ZFC3H1: variants seen among roughly 807,000 people sequenced by gnomAD.
ZFC3H1 encodes zinc finger C3H1-type containing, also known as zinc finger C3H1 domain-containing protein.
ZFC3H1 carries 71 observed loss-of-function variants against 243.7 expected under a neutral mutation model. The observed-to-expected ratio is 0.29, with a 90% CI of 0.24 to 0.36. The LOEUF (loss-of-function observed/expected upper bound fraction) is 0.36, where lower values mean the gene tolerates loss of function less well. Ranked by LOEUF, ZFC3H1 falls within the 10% of genes least tolerant of loss-of-function variation. The pLI, the probability that ZFC3H1 is intolerant of heterozygous loss-of-function variation, is 1.00. For missense variants in ZFC3H1, 1,966 were observed against 2,317.1 expected, an observed-to-expected ratio of 0.85 and a Z score of 3.11; for synonymous variants, 838 against 813.0, an observed-to-expected ratio of 1.03 and a Z score of -0.52.
rs913635650 is a variant in ZFC3H1 at position 71,631,757 on chromosome 12, T to C, written c.3470+21A>G. 4 of 1,540,498 alleles carry C rather than the reference T, an allele frequency of 2.6e-6. No homozygotes were observed. The Admixed American group carries it at 6.5e-5, about 25-fold the overall frequency. ...AAACAGAAATCCTGAAATTCAAGCT[T>C]ATTGAATCTTTCTTTTATACCTGTA... On this transcript the variant is annotated intron_variant, in intron 16 of 34. Transcript: ENST00000378743.
intron 23 of ZFC3H1, 115 bp from the exon 24 acceptor site, chr12:71,623,712 C>T (rs1477307642): frequency 1.3e-6 from 1 of 760,420 alleles, no homozygotes; most frequent in Non-Finnish European, 2.0e-6. Context: ...TTTATTTGTA[C>T]ATTTTAAGTG....
At chr12:71,617,926 G>T (rs1187617650) in intron 27 of ZFC3H1, among the ~76,000 whole-genome samples, 7 of 152,086 alleles carry the variant, frequency 4.6e-5, no homozygotes, top group Non-Finnish European at 8.8e-5. Flanking sequence ...GTCTGGGAGG[G>T]AATAGTGTCC....
intron 1 of ZFC3H1, among the ~76,000 whole-genome samples, chr12:71,658,975 T>C (rs778122905): frequency 6.6e-6 from 1 of 152,182 alleles, no homozygotes; most frequent in Non-Finnish European, 1.5e-5. Flanking sequence ...CTGACCCCTC[T>C]GAGAATCTGA....
intron 22 of ZFC3H1, among the ~76,000 whole-genome samples, chr12:71,625,338 G>A (rs1003856299): frequency 1.3e-5 from 2 of 152,148 alleles, no homozygotes; most frequent in African/African-American, 2.4e-5. Flanking sequence ...TAAAAGTTCA[G>A]GTGAATATTT....
chr12:71,613,249 A>G (rs1879816171), intron 31 of ZFC3H1, 86 bp downstream of exon 31: 2 of 967,954 alleles, frequency 2.1e-6, no homozygotes, highest in South Asian at 1.9e-5. Flanking sequence ...ACAACAGACT[A>G]TTTTTATCAA....
At chr12:71,660,369 A>T (rs1195294528) in intron 1 of ZFC3H1, 2 of 152,228 alleles carry the variant, frequency 1.3e-5, no homozygotes, top group Non-Finnish European at 2.9e-5. Flanking sequence ...GATTACTGAT[A>T]CTTCATAGGG....
intron 2 of ZFC3H1, chr12:71,656,623 G>T: frequency 1.7e-6 from 1 of 601,308 alleles, no homozygotes; most frequent in Non-Finnish European, 2.9e-6. Context: ...CTTTAAATTA[G>T]GAAACAAAGG....
chr12:71,614,630 C>A lies in ZFC3H1; in HGVS notation c.5431G>T (p.Asp1811Tyr). 6.2e-7 allele frequency: 1 copy of A among 1,613,408 alleles called. No individual in the cohort carries two copies. Among genetic ancestry groups the A allele is most frequent in the Non-Finnish European group, 8.5e-7 (1 of 1,179,624 alleles). ...GTAACCAAACATCTATTCACTAAAT[C>A]AGTAAAAAATTTGAATTCTTGAACT... ...NKVQEFKFFTDLVNRCLVTVP... is the reference protein window; with the variant it reads ...NKVQEFKFFTYLVNRCLVTVP... The change falls in exon 30 of 35, where the codon GAT becomes TAT. Residue 1811 changes from aspartate (D) to tyrosine (Y), a missense_variant. Physicochemically the swap from Asp to Tyr is radical, Grantham distance 160. Coordinates refer to ENST00000378743, the MANE Select transcript of ZFC3H1 (RefSeq NM_144982.5).
chr12:71,614,898 C>T lies in ZFC3H1; in HGVS notation c.5296G>A (p.Glu1766Lys). The T allele has an allele frequency of 6.2e-7, 1 of 1,613,802 alleles. No homozygotes were observed. The highest frequency in any genetic ancestry group is 1.1e-5 in the South Asian group (1 of 91,066). The change falls in exon 29 of 35, where the codon GAG becomes AAG. Residue 1766 changes from glutamate (E) to lysine (K), a missense_variant. Around this residue, in one of 4 missense-constraint regions of ZFC3H1, gnomAD observed 1,383 missense variants for 1,723.7 expected, o/e 0.80. Coordinates refer to ENST00000378743, the MANE Select transcript of ZFC3H1 (RefSeq NM_144982.5). ...ACCCCTAATGCTGCCTCATATGCCT[C>T]CACTGTTTCTTTAATACTTGATTGA... ...PLQSSIKETV[E>K]AYEAALGVAM...
intron 31 of ZFC3H1, 69 bp from the exon 32 acceptor site, chr12:71,611,956 G>T: frequency 2.3e-6 from 2 of 865,526 alleles, no homozygotes; most frequent in Non-Finnish European, 3.6e-6. Context: ...TGCTCTATGA[G>T]CACAATGACG....
chr12:71,611,005 G>C, intron 33 of ZFC3H1, 53 bp downstream of exon 33: 1 of 1,570,554 alleles, frequency 6.4e-7, no homozygotes, highest in Non-Finnish European at 8.6e-7. Flanking sequence ...GTCAACAAAA[G>C]AGACAGAAAA....
intron 2 of ZFC3H1, among the ~76,000 whole-genome samples, chr12:71,656,164 T>C (rs543526325): frequency 9.2e-5 from 14 of 152,276 alleles, no homozygotes; most frequent in African/African-American, 3.4e-4. Flanking sequence ...AGAAACTGTT[T>C]GAGGTTGATG....
rs1565834922 is a variant in ZFC3H1 at position 71,663,099 on chromosome 12, C to T, written c.512G>A (p.Gly171Glu). ...TCCTCCTCCCAGAGGAGGTCTGCACCCCGGCTTGCCTCCTCGCTCACCCAC... is the reference window on the plus strand; with the variant it reads ...TCCTCCTCCCAGAGGAGGTCTGCACTCCGGCTTGCCTCCTCGCTCACCCAC... ...RGVGERGGKP[G>E]CRPPLGGGAG... is the part of the protein sequence containing the mutation. The change falls in exon 1 of 35, where the codon GGG becomes GAG. Residue 171 changes from glycine (G) to glutamate (E), a missense_variant. This residue lies in a region of ZFC3H1 where 484 missense variants were observed against 449.7 expected (regional missense o/e 1.08). Coordinates refer to ENST00000378743, the MANE Select transcript of ZFC3H1 (RefSeq NM_144982.5). The T allele has an allele frequency of 1.2e-6, 2 of 1,614,094 alleles. No individual in the cohort carries two copies. Among genetic ancestry groups the T allele is most frequent in the Middle Eastern group, 1.6e-4 (1 of 6,062 alleles).
At chr12:71,639,219 T>C (rs1020644901) in intron 6 of ZFC3H1, 1 of 153,654 alleles carries the variant, frequency 6.5e-6, no homozygotes, top group African/African-American at 2.4e-5. Flanking sequence ...CCACTAACTA[T>C]ATAATCAGAG....
At chr12:71,625,264 G>A (rs1592588177) in intron 22 of ZFC3H1, among the ~76,000 whole-genome samples, 1 of 152,176 alleles carries the variant, frequency 6.6e-6, no homozygotes, top group East Asian at 1.9e-4. Context: ...GTAAATGACA[G>A]ATTTGACAGC....
intron 22 of ZFC3H1, 90 bp downstream of exon 22, chr12:71,626,170 T>C (rs1372970053): frequency 7.2e-7 from 1 of 1,387,618 alleles, no homozygotes; most frequent in Non-Finnish European, 9.8e-7. Flanking sequence ...TATGCTCTAT[T>C]AAGCTACTTA....
At position 71,610,287 on chromosome 12, in the gene ZFC3H1, G is replaced by T. The variant is rs1387818146; in HGVS notation, c.*141C>A. On this transcript the variant is annotated 3_prime_UTR_variant, in exon 35 of 35. Coordinates refer to ENST00000378743, the MANE Select transcript of ZFC3H1 (RefSeq NM_144982.5). ...TCATTGCTTCCGGTTTTGAGGACAG[G>T]ATATTGTAGGGAACTTGATATGATC... 2 of 1,006,486 alleles carry T rather than the reference G, an allele frequency of 2.0e-6. No homozygotes were observed. The highest frequency in any genetic ancestry group is 2.5e-5 in the East Asian group (1 of 40,450). The allele number at this position is 1,006,486 out of a possible 1,614,324, so 62.3% of individuals were successfully genotyped here. A position where few individuals can be genotyped will look rare whatever the true frequency, so the allele number is the denominator to read the frequency against.
At chr12:71,648,963 C>T (rs1262276234) in intron 2 of ZFC3H1, among the ~76,000 whole-genome samples, 1 of 151,676 alleles carries the variant, frequency 6.6e-6, no homozygotes, top group Non-Finnish European at 1.5e-5. Flanking sequence ...TGGTGGTGCA[C>T]GCCTGTAGTC....
intron 1 of ZFC3H1, among the ~76,000 whole-genome samples, chr12:71,662,471 C>T (rs920910620): frequency 6.7e-6 from 1 of 150,152 alleles, no homozygotes; most frequent in Non-Finnish European, 1.5e-5. Flanking sequence ...TTGGTAAAGA[C>T]ACCAGAGTTG....
Sources: gnomAD v4.1 joint callset for allele counts (sites outside exome capture counted in the v4.1 genomes callset) on GRCh38, gnomAD v4.1.1 for gene constraint, gnomAD v4.1.1 regional missense constraint, MANE v1.5 for transcripts, NCBI Gene and HGNC (gene_info 2026-07-23, HGNC 2026-07-21) for gene names.